Variants in SLC25A32 observed in about 807,000 individuals in gnomAD.
SLC25A32 encodes solute carrier family 25 member 32, also known as Glycine auxotroph B, complementation of hamster.
In SLC25A32, 32 loss-of-function variants were observed where a neutral mutation model predicts 39.0. The observed-to-expected ratio is 0.82, with a 90% CI of 0.62 to 1.10. SLC25A32 has a LOEUF of 1.10. SLC25A32 is among the 50% of genes least tolerant of loss of function. The probability of loss-of-function intolerance (pLI) is 0.00; values close to 1 mark genes in which losing one functional copy is unlikely to be tolerated. For missense variants in SLC25A32, 367 were observed against 395.3 expected (o/e 0.93, Z 0.61); for synonymous variants, 166 against 152.4 (o/e 1.09, Z -0.66).
At chr8:103,408,725 A>G (rs915545699) in intron 1 of SLC25A32, among the ~76,000 whole-genome samples, 2 of 152,170 alleles carry the variant, frequency 1.3e-5, no homozygotes, top group African/African-American at 2.4e-5. Flanking sequence ...TGTTCCATAT[A>G]ACTCAACAAA....
chr8:103,414,729 T>G (rs938585948), intron 1 of SLC25A32, 55 bp downstream of exon 1: 1 of 1,607,716 alleles, frequency 6.2e-7, no homozygotes, highest in Non-Finnish European at 8.5e-7. Flanking sequence ...ACGGAGGAGA[T>G]CCAGTTCGGG....
At chr8:103,413,565 A>G (rs1230728620) in intron 1 of SLC25A32, among the ~76,000 whole-genome samples, 5 of 152,234 alleles carry the variant, frequency 3.3e-5, no homozygotes, top group Non-Finnish European at 7.3e-5. Flanking sequence ...TAAATGAGAT[A>G]ATGCATCTAA....
chr8:103,404,521 G>A (rs191650463), intron 3 of SLC25A32, among the ~76,000 whole-genome samples: 12 of 152,012 alleles, frequency 7.9e-5, no homozygotes, highest in South Asian at 4.2e-4. Flanking sequence ...CTTGAAACCC[G>A]AAGGCAGAGG....
chr8:103,414,877 C>G lies in SLC25A32; in HGVS notation c.61G>C (p.Val21Leu), dbSNP rs771707465. The change falls in exon 1 of 7, where the codon GTC (valine) becomes CTC (leucine). Residue 21 changes from valine to leucine, a missense_variant. Val to Leu is a conservative substitution (Grantham distance 32). Transcript: ENST00000297578. ...CCCGCTATCAGGTTCTCATACCGGA[C>G]GTGGCGGAATACCGTGCTCCACGCC... ...SSAWSTVFRH[V>L]RYENLIAGVS... The G allele has an allele frequency of 6.2e-7, 1 of 1,613,224 alleles. No homozygotes were observed. The highest frequency in any genetic ancestry group is 1.1e-5 in the South Asian group (1 of 91,040).
Position 103,414,884 on chromosome 8 carries a change from G to A in SLC25A32, c.54C>T (p.Phe18=), listed in dbSNP as rs1424652169. The A allele has an allele frequency of 2.5e-6, 4 of 1,612,790 alleles. No individual in the cohort carries two copies. In the East Asian group the frequency reaches 8.9e-5, roughly 36 times the overall value. The stretch of plus-strand genomic sequence containing the variant: ...TCAGGTTCTCATACCGGACGTGGCG[G>A]AATACCGTGCTCCACGCCGACGACC... ...ASGSSAWSTV[F]RHVRYENLIA... The change falls in exon 1 of 7, where the codon TTC becomes TTT. Residue 18 remains phenylalanine (F), a synonymous_variant. Coordinates refer to ENST00000297578, the MANE Select transcript of SLC25A32 (RefSeq NM_030780.5).
chr8:103,405,789 T>C (rs1238779687), intron 2 of SLC25A32, among the ~76,000 whole-genome samples: 1 of 152,006 alleles, frequency 6.6e-6, no homozygotes, highest in Admixed American at 6.6e-5. Flanking sequence ...GCCTCCTAAT[T>C]AGCTAAGACT....
intron 2 of SLC25A32, among the ~76,000 whole-genome samples, chr8:103,405,506 T>C (rs781445930): frequency 6.6e-6 from 1 of 152,162 alleles, no homozygotes; most frequent in East Asian, 1.9e-4. Context: ...ACAGGGAAAA[T>C]TGGCCACACT....
chr8:103,414,999 G>C lies in SLC25A32; in HGVS notation c.-62C>G. 1.3e-6 allele frequency: 2 copies of C among 1,583,882 alleles called. No homozygotes were observed. The highest frequency in any genetic ancestry group is 1.3e-5 in the African/African-American group (1 of 74,082). Reference sequence around the variant, plus strand: ...CGCGGAGGTGGGACGCGATGCAGTGGCCGCCACCGTGGCGACGGTCGCCCC... The same window carrying C: ...CGCGGAGGTGGGACGCGATGCAGTGCCCGCCACCGTGGCGACGGTCGCCCC... On this transcript the variant is annotated 5_prime_UTR_variant, in exon 1 of 7. Transcript: ENST00000297578.
At position 103,410,770 on chromosome 8, in the gene SLC25A32, T is replaced by C. The variant is rs186496893; in HGVS notation, c.155-2986A>G. ...AATGCCAATGGACACAAGCTGAAGA[T>C]AAAAAGTTTGGTGTACAGAAAGGAG... On this transcript the variant is annotated intron_variant, in intron 1 of 6. Coordinates refer to ENST00000297578, the MANE Select transcript of SLC25A32 (RefSeq NM_030780.5). 3.1e-3 allele frequency among the ~76,000 whole-genome samples: 466 copies of C among 152,258 alleles called. 3 individuals are homozygous for C. Among genetic ancestry groups the C allele is most frequent in the Non-Finnish European group, 4.9e-3 (333 of 68,008 alleles).
intron 1 of SLC25A32, among the ~76,000 whole-genome samples, chr8:103,411,893 A>C (rs756559041): frequency 2.0e-5 from 3 of 152,186 alleles, no homozygotes; most frequent in Non-Finnish European, 2.9e-5. Flanking sequence ...TTCCATCTCT[A>C]GCATTTTAAT....
At chr8:103,413,406 T>A (rs1311605916) in intron 1 of SLC25A32, among the ~76,000 whole-genome samples, 1 of 152,198 alleles carries the variant, frequency 6.6e-6, no homozygotes, top group Non-Finnish European at 1.5e-5. Flanking sequence ...TGCCAGAGGG[T>A]TCCAGAGTTA....
chr8:103,401,739 A>G (rs1816223476), intron 5 of SLC25A32, 78 bp from the exon 6 acceptor site: 1 of 1,284,274 alleles, frequency 7.8e-7, no homozygotes, highest in African/African-American at 1.5e-5. Context: ...TATATACAAA[A>G]AACATTTAAA....
intron 1 of SLC25A32, among the ~76,000 whole-genome samples, chr8:103,413,302 A>T (rs1816505357): frequency 6.6e-6 from 1 of 152,238 alleles, no homozygotes; most frequent in African/African-American, 2.4e-5. Context: ...AGCAAGTCAT[A>T]CAGGCCTGCA....
intron 3 of SLC25A32, 53 bp from the exon 4 acceptor site, chr8:103,403,377 T>C (rs747188117): frequency 3.4e-5 from 37 of 1,102,588 alleles, no homozygotes; most frequent in Middle Eastern, 2.3e-4. Context: ...TTCGCACTTA[T>C]GACAACCCAA....
At position 103,404,829 on chromosome 8, in the gene SLC25A32, C is replaced by T. The variant is rs1446368847; in HGVS notation, c.338G>A (p.Gly113Glu). The change falls in exon 3 of 7, where the codon GGA becomes GAA. Residue 113 changes from glycine (G) to glutamate (E), a missense_variant. Gly to Glu is a moderately conservative substitution (Grantham distance 98). Transcript: ENST00000297578. The part of the protein sequence containing the change: ...YNAIKSYKTE[G>E]RAERLEATEY... Reference sequence around the variant, plus strand: ...TGTTGCCTCTAAACGTTCAGCTCTTCCTTCTGTTTTATATGACTTGATGGC... The same window carrying T: ...TGTTGCCTCTAAACGTTCAGCTCTTTCTTCTGTTTTATATGACTTGATGGC... 1 of 1,612,972 alleles carries T rather than the reference C, an allele frequency of 6.2e-7. No individual in the cohort carries two copies. The highest frequency in any genetic ancestry group is 1.3e-5 in the African/African-American group (1 of 74,884).
chr8:103,401,817 T>G, intron 5 of SLC25A32, 124 bp downstream of exon 5: 1 of 963,114 alleles, frequency 1.0e-6, no homozygotes. Context: ...AACTATAAAT[T>G]AAATCAGTGG....
At chr8:103,402,339 G>A (rs1289621607) in intron 4 of SLC25A32, 1 of 208,748 alleles carries the variant, frequency 4.8e-6, no homozygotes, top group African/African-American at 2.3e-5. Context: ...AGGTGTGAGT[G>A]GGAAACTAAA....
intron 1 of SLC25A32, among the ~76,000 whole-genome samples, chr8:103,410,265 G>A (rs917234222): frequency 6.6e-6 from 1 of 152,100 alleles, no homozygotes; most frequent in African/African-American, 2.4e-5. Flanking sequence ...TAAATCAGGG[G>A]TCCCCAACTC....
chr8:103,402,010 C>T lies in SLC25A32; in HGVS notation c.597G>A (p.Gln199=), dbSNP rs958596537. ...GLFGTSHGAL[Q]FMAYELLKLK... is the part of the protein sequence containing the mutation. ...ACTTCAGCAATTCATATGCCATAAA[C>T]TGAAGGGCACCATGCGATGTTCCAA... The change falls in exon 5 of 7, where the codon CAG becomes CAA. Residue 199 remains glutamine (Q), a synonymous_variant. Coordinates refer to ENST00000297578, the MANE Select transcript of SLC25A32 (RefSeq NM_030780.5). 13 of 1,613,274 alleles carry T rather than the reference C, an allele frequency of 8.1e-6. No individual in the cohort carries two copies. The highest frequency in any genetic ancestry group is 1.1e-5 in the Non-Finnish European group (13 of 1,179,564).
Sources: gnomAD v4.1 joint callset for allele counts (sites outside exome capture counted in the v4.1 genomes callset) on GRCh38, gnomAD v4.1.1 for gene constraint, MANE v1.5 for transcripts, NCBI Gene and HGNC (gene_info 2026-07-23, HGNC 2026-07-21) for gene names.